Variants in FARS2 observed in about 807,000 individuals in gnomAD.
FARS2 encodes the protein phenylalanyl-tRNA synthetase 2, mitochondrial, also known as phenylalanine--tRNA ligase, mitochondrial.
FARS2 carries 40 observed loss-of-function variants against 46.4 expected under a neutral mutation model. That is an observed-to-expected ratio of 0.86 (90% confidence interval 0.67 to 1.12). The LOEUF is 1.12. FARS2 is among the 50% of genes most tolerant of loss of function. The pLI, the probability that FARS2 is intolerant of heterozygous loss-of-function variation, is 0.00. For missense variants in FARS2, 513 were observed against 567.9 expected (o/e 0.90, Z 0.98); for synonymous variants, 234 against 214.9 (o/e 1.09, Z -0.78).
intron 4 of FARS2, among the ~76,000 whole-genome samples, chr6:5,448,693 A>G (rs1764315329): frequency 6.6e-6 from 1 of 152,238 alleles, no homozygotes; most frequent in South Asian, 2.1e-4. Flanking sequence ...GTGCAAGTAC[A>G]TTTATAGGAT....
At position 5,509,927 on chromosome 6, in the gene FARS2, G is replaced by A. The variant is rs1004606700; in HGVS notation, c.905-35253G>A. ...CCTCTTACTCAAAATACATTATGTC[G>A]CCCAATTTTGTTTTCTCATTTAATG... On this transcript the variant is annotated intron_variant, in intron 4 of 6. Coordinates refer to ENST00000274680, the MANE Select transcript of FARS2 (RefSeq NM_006567.5). Among the ~76,000 whole-genome samples the A allele has an allele frequency of 3.9e-5, 6 of 152,032 alleles. No individual in the cohort carries two copies. In the South Asian group the frequency reaches 8.3e-4, roughly 21 times the overall value.
At chr6:5,500,145 C>G (rs1767703437) in intron 4 of FARS2, among the ~76,000 whole-genome samples, 1 of 152,180 alleles carries the variant, frequency 6.6e-6, no homozygotes, top group Non-Finnish European at 1.5e-5. Flanking sequence ...TATTGGGTAT[C>G]TGATCCTGTT....
chr6:5,534,729 C>G (rs1770078630), intron 4 of FARS2, among the ~76,000 whole-genome samples: 1 of 152,106 alleles, frequency 6.6e-6, no homozygotes, highest in South Asian at 2.1e-4. Flanking sequence ...CATCGGTGTG[C>G]AAGTGTCTGA....
intron 1 of FARS2, among the ~76,000 whole-genome samples, chr6:5,330,172 A>G (rs1327018451): frequency 6.6e-6 from 1 of 152,168 alleles, no homozygotes; most frequent in East Asian, 1.9e-4. Context: ...TATTATCCCT[A>G]TCAATCAAGA....
At chr6:5,678,189 T>C (rs2150826449) in intron 6 of FARS2, among the ~76,000 whole-genome samples, 1 of 152,182 alleles carries the variant, frequency 6.6e-6, no homozygotes, top group African/African-American at 2.4e-5. Context: ...CTCTAAAAGG[T>C]GCCTGTGTTT....
chr6:5,754,780 G>A (rs1191410004), intron 6 of FARS2, among the ~76,000 whole-genome samples: 1 of 152,182 alleles, frequency 6.6e-6, no homozygotes, highest in African/African-American at 2.4e-5. Context: ...TTTCTTTGTT[G>A]TTGCTTTGTA....
intron 2 of FARS2, among the ~76,000 whole-genome samples, chr6:5,380,348 A>C (rs1759674797): frequency 6.6e-6 from 1 of 152,254 alleles, no homozygotes; most frequent in Admixed American, 6.5e-5. Flanking sequence ...CCAAATCCAA[A>C]TAATTACAGT....
chr6:5,661,435 T>G (rs553015345), intron 6 of FARS2, among the ~76,000 whole-genome samples: 2 of 152,082 alleles, frequency 1.3e-5, no homozygotes, highest in South Asian at 4.2e-4. Context: ...AAGCATGGAG[T>G]GAGAAGAGCA....
chr6:5,474,661 C>CTG (rs1554099248), intron 4 of FARS2, among the ~76,000 whole-genome samples: 10 of 71,320 alleles, frequency 1.4e-4, no homozygotes, highest in African/African-American at 4.1e-4. Flanking sequence ...AAATACAGTA[C>CTG]TGTTTTTTTT....
chr6:5,456,229 G>GC (rs1312113316), intron 4 of FARS2, among the ~76,000 whole-genome samples: 12 of 69,522 alleles, frequency 1.7e-4, no homozygotes, highest in Admixed American at 9.0e-4. Context: ...AAAACAAAAA[G>GC]CAAAAAATAA....
intron 5 of FARS2, among the ~76,000 whole-genome samples, chr6:5,599,593 G>A (rs903508016): frequency 1.3e-5 from 2 of 152,210 alleles, no homozygotes; most frequent in Admixed American, 6.5e-5. Flanking sequence ...GAAAACGTTT[G>A]CAAGATTAAT....
intron 1 of FARS2, among the ~76,000 whole-genome samples, chr6:5,318,172 A>G (rs1213642078): frequency 2.0e-5 from 3 of 152,098 alleles, no homozygotes; most frequent in African/African-American, 4.8e-5. Context: ...CAGCCTGGCC[A>G]ATATGGTGAA....
At chr6:5,408,810 A>G (rs1216747991) in intron 3 of FARS2, among the ~76,000 whole-genome samples, 1 of 152,182 alleles carries the variant, frequency 6.6e-6, no homozygotes, top group Non-Finnish European at 1.5e-5. Flanking sequence ...ATTCGCCTTT[A>G]TCATGTCTGA....
the FARS2 span, among the ~76,000 whole-genome samples, chr6:5,252,685 GA>G: frequency 6.6e-6 from 1 of 152,092 alleles, no homozygotes; most frequent in Non-Finnish European, 1.5e-5. Flanking sequence ...TAAACGTAAT[GA>G]AGTTTTGGTC....
chr6:5,655,705 T>G (rs965725871), intron 6 of FARS2, among the ~76,000 whole-genome samples: 1 of 152,240 alleles, frequency 6.6e-6, no homozygotes. Flanking sequence ...TTCGTGATTC[T>G]TAACTTAGGC....
intron 6 of FARS2, among the ~76,000 whole-genome samples, chr6:5,663,474 C>A (rs1353011113): frequency 6.6e-6 from 1 of 152,226 alleles, no homozygotes; most frequent in Non-Finnish European, 1.5e-5. Context: ...TTGGACAGGG[C>A]TTGCCTTTGG....
chr6:5,414,902 G>A (rs1159722348), intron 3 of FARS2, among the ~76,000 whole-genome samples: 2 of 138,358 alleles, frequency 1.4e-5, no homozygotes, highest in African/African-American at 2.7e-5. Flanking sequence ...TGCAACCTCC[G>A]TCTCCTGGGT....
At chr6:5,728,117 A>G (rs1038913645) in intron 6 of FARS2, among the ~76,000 whole-genome samples, 1 of 152,250 alleles carries the variant, frequency 6.6e-6, no homozygotes, top group African/African-American at 2.4e-5. Context: ...TGTTTCATCA[A>G]CAGTGTCTGC....
intron 4 of FARS2, among the ~76,000 whole-genome samples, chr6:5,456,679 C>T (rs1227340479): frequency 3.3e-5 from 4 of 121,830 alleles, no homozygotes; most frequent in South Asian, 2.8e-4. Context: ...TGCAGTGAGC[C>T]GAGATGGCAT....
Sources: allele counts gnomAD v4.1 joint callset (sites outside exome capture counted in the v4.1 genomes callset), GRCh38; gene constraint gnomAD v4.1.1; transcripts MANE v1.5; gene names NCBI Gene and HGNC (gene_info 2026-07-23, HGNC 2026-07-21).